ZNF609: variants seen among roughly 807,000 people sequenced by gnomAD.
ZNF609 encodes zinc finger protein 609.
A neutral mutation model predicts 109.5 loss-of-function variants in ZNF609; 11 were observed. The observed-to-expected ratio is 0.10, with a 90% CI of 0.06 to 0.17. The LOEUF (loss-of-function observed/expected upper bound fraction) is 0.17, where lower values mean the gene tolerates loss of function less well. ZNF609 is among the 10% of genes least tolerant of loss of function. The pLI, the probability that ZNF609 is intolerant of heterozygous loss-of-function variation, is 1.00. For synonymous variants in ZNF609, 646 were observed against 662.0 expected (o/e 0.98, Z 0.37); for missense variants, 1,559 against 1,772.4 (o/e 0.88, Z 2.16).
At chr15:64,582,538 A>C (rs1349152825) in intron 2 of ZNF609, among the ~76,000 whole-genome samples, 2 of 151,970 alleles carry the variant, frequency 1.3e-5, no homozygotes, top group Non-Finnish European at 1.5e-5. Context: ...TCTTCGCTAC[A>C]TTGTTAAATT....
chr15:64,629,986 T>C (rs1445041141), intron 3 of ZNF609, among the ~76,000 whole-genome samples: 2 of 152,190 alleles, frequency 1.3e-5, no homozygotes, highest in African/African-American at 4.8e-5. Context: ...ATTTATTAAA[T>C]TCGAATGTCT....
intron 2 of ZNF609, among the ~76,000 whole-genome samples, chr15:64,537,970 G>A (rs1053263029): frequency 6.6e-6 from 1 of 152,046 alleles, no homozygotes. Context: ...GCCAGGCATG[G>A]TGGCGCATGC....
chr15:64,556,989 T>C (rs1297398167), intron 2 of ZNF609, among the ~76,000 whole-genome samples: 2 of 152,176 alleles, frequency 1.3e-5, no homozygotes, highest in Non-Finnish European at 2.9e-5. Context: ...ATCCAAAATG[T>C]AAGCTCATTT....
At chr15:64,643,786 A>G (rs1433893550) in intron 3 of ZNF609, 1 of 152,174 alleles carries the variant, frequency 6.6e-6, no homozygotes, top group Non-Finnish European at 1.5e-5. Flanking sequence ...AGGAAATACA[A>G]CTTTCAAGGG....
chr15:64,680,435 G>T, intron 7 of ZNF609, 75 bp downstream of exon 7: 5 of 1,557,974 alleles, frequency 3.2e-6, no homozygotes, highest in Non-Finnish European at 4.4e-6. Flanking sequence ...GAGAAGGTGG[G>T]CAAGTTCAGG....
chr15:64,619,504 TA>T (rs751483720), intron 2 of ZNF609, among the ~76,000 whole-genome samples: 8 of 152,250 alleles, frequency 5.3e-5, no homozygotes, highest in Non-Finnish European at 8.8e-5. Context: ...TAAATACTAT[TA>T]TGCTGCTCTG....
At chr15:64,553,639 C>T (rs1266880337) in intron 2 of ZNF609, among the ~76,000 whole-genome samples, 1 of 150,662 alleles carries the variant, frequency 6.6e-6, no homozygotes, top group African/African-American at 2.4e-5. Flanking sequence ...CACTCTGTTG[C>T]CCAGGCTGGA....
In ZNF609 at chr15:64,685,954, C is replaced by T. The variant is rs984278987; in HGVS notation, c.*4268C>T. 1.3e-5 allele frequency: 2 copies of T among 152,212 alleles called. No individual in the cohort carries two copies. Among genetic ancestry groups the T allele is most frequent in the African/African-American group, 4.8e-5 (2 of 41,444 alleles). The allele number at this position is 152,212 out of a possible 1,614,324, so 9.4% of individuals were successfully genotyped here. A position where few individuals can be genotyped will look rare whatever the true frequency, so the allele number is the denominator to read the frequency against. ...TCTTTTCCTCTACCTTCCTCATCCC[C>T]ACTTTTTTCCCTTTCTCTCTACTTC... On this transcript the variant is annotated 3_prime_UTR_variant, in exon 10 of 10. Transcript: ENST00000326648.
chr15:64,480,758 T>G (rs1346923517), intron 1 of ZNF609, among the ~76,000 whole-genome samples: 1 of 152,198 alleles, frequency 6.6e-6, no homozygotes, highest in Non-Finnish European at 1.5e-5. Flanking sequence ...AATCCTTGCT[T>G]AAATAAAAAT....
intron 1 of ZNF609, among the ~76,000 whole-genome samples, chr15:64,484,445 A>G (rs1202775050): frequency 1.3e-5 from 2 of 152,160 alleles, no homozygotes; most frequent in Non-Finnish European, 2.9e-5. Context: ...TGGGAGGCAG[A>G]GGTGGGCGGA....
intron 2 of ZNF609, among the ~76,000 whole-genome samples, chr15:64,504,637 T>G (rs1403818940): frequency 7.5e-6 from 1 of 133,592 alleles, no homozygotes; most frequent in Non-Finnish European, 1.6e-5. Flanking sequence ...GCCTGGCTAG[T>G]TTTTTTTTTT....
At chr15:64,595,307 G>A (rs947398496) in intron 2 of ZNF609, among the ~76,000 whole-genome samples, 2 of 150,536 alleles carry the variant, frequency 1.3e-5, no homozygotes, top group Non-Finnish European at 2.9e-5. Flanking sequence ...GTTGCAGTAA[G>A]CTGAGATCAT....
At chr15:64,619,043 A>G (rs1895842005) in intron 2 of ZNF609, among the ~76,000 whole-genome samples, 2 of 152,090 alleles carry the variant, frequency 1.3e-5, no homozygotes, top group African/African-American at 2.4e-5. Flanking sequence ...CCCCTTCTGT[A>G]TCATTTAAAG....
intron 2 of ZNF609, among the ~76,000 whole-genome samples, chr15:64,536,556 T>G (rs1277651905): frequency 2.6e-5 from 4 of 152,006 alleles, no homozygotes; most frequent in African/African-American, 9.7e-5. Flanking sequence ...AAGTGCACCA[T>G]CTAACCAGGG....
At chr15:64,475,849 A>G (rs1893162300) in intron 1 of ZNF609, among the ~76,000 whole-genome samples, 1 of 152,218 alleles carries the variant, frequency 6.6e-6, no homozygotes, top group South Asian at 2.1e-4. Context: ...GAATTGAATT[A>G]GAACTTGATT....
chr15:64,608,724 CGTGTGTGTGT>C (rs34519391), intron 2 of ZNF609, among the ~76,000 whole-genome samples: 1 of 148,356 alleles, frequency 6.7e-6, no homozygotes, highest in Non-Finnish European at 1.5e-5. Flanking sequence ...TGCATGCATG[CGTGTGTGTGT>C]GTGTGTGTGT....
At chr15:64,681,270 C>G (rs2083205859) in intron 8 of ZNF609, 39 bp from the exon 9 acceptor site, 1 of 1,573,912 alleles carries the variant, frequency 6.4e-7, no homozygotes. Context: ...TGGAAGGTTT[C>G]TGTGAGTGCT....
At chr15:64,533,085 C>G in intron 2 of ZNF609, among the ~76,000 whole-genome samples, 1 of 151,530 alleles carries the variant, frequency 6.6e-6, no homozygotes, top group Non-Finnish European at 1.5e-5. Flanking sequence ...AGAGTCTGCT[C>G]TGTCACCAAG....
chr15:64,607,502 CTTT>C (rs200902765), intron 2 of ZNF609, among the ~76,000 whole-genome samples: 7 of 131,956 alleles, frequency 5.3e-5, no homozygotes, highest in Admixed American at 7.7e-5. Flanking sequence ...TTAAGGCATA[CTTT>C]TTTTTTTTTT....
Sources: gnomAD v4.1 joint callset for allele counts (sites outside exome capture counted in the v4.1 genomes callset) on GRCh38, gnomAD v4.1.1 for gene constraint, MANE v1.5 for transcripts, NCBI Gene and HGNC (gene_info 2026-07-23, HGNC 2026-07-21) for gene names.